Variants in PARD3 observed in about 807,000 individuals in gnomAD.
PARD3 encodes partitioning defective 3 homolog.
A neutral mutation model predicts 155.4 loss-of-function variants in PARD3; 75 were observed. The observed-to-expected ratio is 0.48, with a 90% CI of 0.40 to 0.58. The LOEUF is 0.58. Among genes scored for constraint, PARD3 ranks in the 20% least tolerant of loss-of-function variants. The pLI is 0.00. For synonymous variants in PARD3, 576 were observed against 610.5 expected (o/e 0.94, Z 0.83); for missense variants, 1,642 against 1,721.7 (o/e 0.95, Z 0.82).
At chr10:34,269,610 A>G (rs1955512856) in intron 22 of PARD3, 47 bp downstream of exon 22, 2 of 1,602,766 alleles carry the variant, frequency 1.2e-6, no homozygotes, top group Non-Finnish European at 1.7e-6. Context: ...CAGAAGCTGT[A>G]TAAAAGCTGA....
In PARD3 at chr10:34,815,039, GC is replaced by G; in HGVS notation, c.-45del. On this transcript the variant is annotated 5_prime_UTR_variant, in exon 1 of 25. Coordinates refer to ENST00000374788, the MANE Select transcript of PARD3 (RefSeq NM_001184785.2). ...GGGCCCGCGCCCCTCGCCGAGCGCA[GC>G]CGGAGCAGCCGAGGCCGGGACCGAG... The G allele has an allele frequency of 1.5e-6, 2 of 1,314,024 alleles. No individual in the cohort carries two copies. The highest frequency in any genetic ancestry group is 2.0e-6 in the Non-Finnish European group (2 of 1,024,502). 81.4% of individuals were successfully genotyped at this position (1,314,024 alleles called of 1,614,324 possible). A position where few individuals can be genotyped will look rare whatever the true frequency, so the allele number is the denominator to read the frequency against.
intron 1 of PARD3, among the ~76,000 whole-genome samples, chr10:34,812,646 A>C (rs1245379701): frequency 6.6e-6 from 1 of 152,182 alleles, no homozygotes; most frequent in Non-Finnish European, 1.5e-5. Context: ...CTTGGGATCC[A>C]ATGACTGAAC....
chr10:34,775,100 T>C lies in PARD3; in HGVS notation c.120+39776A>G, dbSNP rs113276540. ...TTTAAAGTCACAAATCCTTTCAGTT[T>C]GGAGACTTACACAACATAGAAGCAG... On this transcript the variant is annotated intron_variant, in intron 1 of 24. Coordinates refer to ENST00000374788, the MANE Select transcript of PARD3 (RefSeq NM_001184785.2). Among the ~76,000 whole-genome samples, 834 of 152,348 alleles carry C rather than the reference T, an allele frequency of 5.5e-3. 9 individuals carry two copies. Among genetic ancestry groups the C allele is most frequent in the African/African-American group, 0.019 (793 of 41,580 alleles).
chr10:34,171,027 T>C (rs928407357), intron 22 of PARD3, among the ~76,000 whole-genome samples: 1 of 152,192 alleles, frequency 6.6e-6, no homozygotes, highest in Non-Finnish European at 1.5e-5. Flanking sequence ...GATGTCTAAA[T>C]AGAAAACATG....
chr10:34,510,870 C>A lies in PARD3; in HGVS notation c.403+6109G>T, dbSNP rs149136249. ...TACATACTACTAAAAGGTAAAGGTT[C>A]TTTTAAAAATAATTTCAATAACCTT... On this transcript the variant is annotated intron_variant, in intron 3 of 24. Transcript: ENST00000374788. 7.2e-5 allele frequency among the ~76,000 whole-genome samples: 11 copies of A among 152,246 alleles called. No individual in the cohort carries two copies. The East Asian group carries it at 2.1e-3, about 29-fold the overall frequency.
intron 22 of PARD3, among the ~76,000 whole-genome samples, chr10:34,204,138 T>C (rs1212046614): frequency 6.6e-6 from 1 of 152,184 alleles, no homozygotes; most frequent in East Asian, 1.9e-4. Context: ...ACTGATAGTG[T>C]TGACAGTATT....
At chr10:34,247,957 T>G (rs546691532) in intron 22 of PARD3, among the ~76,000 whole-genome samples, 1 of 152,216 alleles carries the variant, frequency 6.6e-6, no homozygotes, top group African/African-American at 2.4e-5. Flanking sequence ...TTTGTACTGA[T>G]AAGTAACTGA....
At chr10:34,615,793 G>A (rs1007807483) in intron 2 of PARD3, among the ~76,000 whole-genome samples, 1 of 152,108 alleles carries the variant, frequency 6.6e-6, no homozygotes, top group African/African-American at 2.4e-5. Flanking sequence ...TCTAAATAGA[G>A]AGTTCTCAAA....
intron 2 of PARD3, among the ~76,000 whole-genome samples, chr10:34,681,730 T>TTTTATA (rs1344348436): frequency 1.6e-3 from 48 of 29,974 alleles, no homozygotes; most frequent in South Asian, 8.4e-3. Flanking sequence ...CGTATGTATT[T>TTTTATA]TATATATATA....
In PARD3 at chr10:34,185,389, C is replaced by T. The variant is rs376594215; in HGVS notation, c.3420-53806G>A. Reference sequence around the variant, plus strand: ...CATTAGTATTATACAATGTTAGGAGCCAATTTGTCATACAGATCTCCAAAC... The same window carrying T: ...CATTAGTATTATACAATGTTAGGAGTCAATTTGTCATACAGATCTCCAAAC... On this transcript the variant is annotated intron_variant, in intron 22 of 24. Transcript: ENST00000374788. 3.9e-5 allele frequency among the ~76,000 whole-genome samples: 6 copies of T among 152,072 alleles called. No individual in the cohort carries two copies. In the East Asian group the frequency reaches 9.7e-4, roughly 25 times the overall value.
intron 1 of PARD3, among the ~76,000 whole-genome samples, chr10:34,786,955 A>T (rs549066283): frequency 2.0e-4 from 31 of 152,368 alleles, no homozygotes; most frequent in African/African-American, 7.5e-4. Context: ...ATGTTATCTA[A>T]AACGACTAGT....
chr10:34,728,446 G>T (rs2094757530), intron 1 of PARD3, among the ~76,000 whole-genome samples: 1 of 151,986 alleles, frequency 6.6e-6, no homozygotes, highest in African/African-American at 2.4e-5. Context: ...ATGACGCAGG[G>T]GCACTTCAGG....
rs111301756 is a variant in PARD3 at position 34,455,794 on chromosome 10, A to C, written c.583-5346T>G. Among the ~76,000 whole-genome samples the C allele has an allele frequency of 6.6e-3, 1,007 of 152,276 alleles. 13 individuals carry two copies. Among genetic ancestry groups the C allele is most frequent in the African/African-American group, 0.023 (956 of 41,548 alleles). On this transcript the variant is annotated intron_variant, in intron 4 of 24. Coordinates refer to ENST00000374788, the MANE Select transcript of PARD3 (RefSeq NM_001184785.2). ...ATTCATTATCATTTACCCTAGGTGC[A>C]TGTCTATTCCTAAGTATAATGAACC...
intron 22 of PARD3, among the ~76,000 whole-genome samples, chr10:34,165,505 C>T (rs1949487749): frequency 6.6e-6 from 1 of 152,170 alleles, no homozygotes; most frequent in Non-Finnish European, 1.5e-5. Flanking sequence ...GACAAATGTC[C>T]TCGTGCCCCA....
intron 16 of PARD3, among the ~76,000 whole-genome samples, chr10:34,338,112 G>A (rs1836394021): frequency 6.6e-6 from 1 of 152,244 alleles, no homozygotes; most frequent in African/African-American, 2.4e-5. Context: ...TGAAACAGAT[G>A]CTGAGGATGC....
chr10:34,511,681 T>C (rs2081407194), intron 3 of PARD3, among the ~76,000 whole-genome samples: 1 of 152,228 alleles, frequency 6.6e-6, no homozygotes, highest in African/African-American at 2.4e-5. Flanking sequence ...CTTCATCTAC[T>C]ATTTGGTTAT....
chr10:34,315,778 G>C (rs564860771), intron 20 of PARD3, among the ~76,000 whole-genome samples: 3 of 152,266 alleles, frequency 2.0e-5, no homozygotes, highest in South Asian at 4.2e-4. Context: ...CATGATGAGG[G>C]GGCCCTGTGT....
chr10:34,206,120 T>C (rs540836197), intron 22 of PARD3, among the ~76,000 whole-genome samples: 1 of 152,164 alleles, frequency 6.6e-6, no homozygotes, highest in Non-Finnish European at 1.5e-5. Context: ...TGACCACCTC[T>C]TCACTTAAGT....
intron 3 of PARD3, among the ~76,000 whole-genome samples, chr10:34,508,076 A>T (rs1227252050): frequency 6.6e-6 from 1 of 152,216 alleles, no homozygotes; most frequent in Non-Finnish European, 1.5e-5. Context: ...TAAGAAAAAA[A>T]ATTAAGAAAT....
Sources: gnomAD v4.1 joint callset for allele counts (sites outside exome capture counted in the v4.1 genomes callset) on GRCh38, gnomAD v4.1.1 for gene constraint, MANE v1.5 for transcripts, NCBI Gene and HGNC (gene_info 2026-07-23, HGNC 2026-07-21) for gene names.